Variants in HAUS6 observed in about 807,000 individuals in gnomAD.
HAUS6 encodes the protein HAUS augmin like complex subunit 6, also known as HAUS augmin-like complex subunit 6.
In HAUS6, 80 loss-of-function variants were observed where a neutral mutation model predicts 106.8. That is an observed-to-expected ratio of 0.75 (90% CI 0.63 to 0.90). The LOEUF (loss-of-function observed/expected upper bound fraction) is 0.90. HAUS6 is among the 40% of genes least tolerant of loss of function. The probability of loss-of-function intolerance (pLI) is 0.00; values close to 1 mark genes in which losing one functional copy is unlikely to be tolerated. For synonymous variants in HAUS6, 356 were observed against 379.1 expected (o/e 0.94, Z 0.71); for missense variants, 1,155 against 1,118.1 (o/e 1.03, Z -0.47).
At chr9:19,090,035 G>C (rs1311249935) in intron 4 of HAUS6, among the ~76,000 whole-genome samples, 3 of 151,920 alleles carry the variant, frequency 2.0e-5, no homozygotes, top group African/African-American at 7.3e-5. Context: ...GACTGGGTCT[G>C]AAGGTGTTGC....
Position 19,056,501 on chromosome 9 carries a change from T to C in HAUS6, c.2807-97A>G, listed in dbSNP as rs62563589. ...CAAATTTTAGTCAATACAAAAAAGG[T>C]TCATAGCTTTGCAAATACTTGATTA... On this transcript the variant is annotated intron_variant, in intron 16 of 16. Coordinates refer to ENST00000380502, the MANE Select transcript of HAUS6 (RefSeq NM_017645.5). The C allele has an allele frequency of 2.3e-3, 1,608 of 701,144 alleles. 10 individuals are homozygous for C. Among genetic ancestry groups the C allele is most frequent in the Middle Eastern group, 8.1e-3 (33 of 4,066 alleles). The allele number at this position is 701,144 out of a possible 1,614,324, so 43.4% of individuals were successfully genotyped here.
intron 1 of HAUS6, among the ~76,000 whole-genome samples, chr9:19,099,004 C>G (rs1370103106): frequency 1.1e-5 from 1 of 91,306 alleles, no homozygotes; most frequent in South Asian, 3.7e-4. Context: ...GCAACAAGAG[C>G]AAAACTCCAT....
At position 19,058,881 on chromosome 9, in the gene HAUS6, T is replaced by C; in HGVS notation, c.1886A>G (p.His629Arg). Residue 629 changes from histidine to arginine, a missense_variant, in exon 16 of 17, where the codon CAC (histidine) becomes CGC (arginine). By Grantham distance (29) the His-to-Arg change is conservative (BLOSUM62 0). Around this residue, in one of 3 missense-constraint regions of HAUS6, gnomAD observed 380 missense variants for 394.8 expected, o/e 0.96. Transcript: ENST00000380502. ...AGCCATGCTAAATTCTCTTTGATTGTGCAACACAGGTAATGATTCTGGCAA... is the reference window on the plus strand; with the variant it reads ...AGCCATGCTAAATTCTCTTTGATTGCGCAACACAGGTAATGATTCTGGCAA... ...EVLPESLPVL[H>R]NQREFSMADF... 8.7e-6 allele frequency: 14 copies of C among 1,610,812 alleles called. No individual in the cohort carries two copies. Among genetic ancestry groups the C allele is most frequent in the Non-Finnish European group, 1.2e-5 (14 of 1,176,888 alleles).
rs763537717 is a variant in HAUS6, at chr9:19,058,490, T to C, written c.2277A>G (p.Ile759Met). Reference sequence around the variant, plus strand: ...AACTCTTAGAACTAATTCCACTTGATATCTGAAAAGAATTCCACAACATAG... The same window carrying C: ...AACTCTTAGAACTAATTCCACTTGACATCTGAAAAGAATTCCACAACATAG... ...NKTMLWNSFQ[I>M]SSGISSKSFK... The change falls in exon 16 of 17, where the codon ATA becomes ATG. Residue 759 changes from isoleucine (I) to methionine (M), a missense_variant. Physicochemically the swap from Ile to Met is conservative, Grantham distance 10. Around this residue, in one of 3 missense-constraint regions of HAUS6, gnomAD observed 380 missense variants for 394.8 expected, o/e 0.96. Transcript: ENST00000380502. 3 of 1,582,850 alleles carry C rather than the reference T, an allele frequency of 1.9e-6. No homozygotes were observed. Among genetic ancestry groups the C allele is most frequent in the Admixed American group, 1.7e-5 (1 of 57,256 alleles).
In HAUS6 at chr9:19,058,682, T is replaced by C. The variant is rs1452764315; in HGVS notation, c.2085A>G (p.Gln695=). Residue 695 remains glutamine, a synonymous_variant, in exon 16 of 17, where the codon CAA becomes CAG. Coordinates refer to ENST00000380502, the MANE Select transcript of HAUS6 (RefSeq NM_017645.5). ...TGGTGAAGGCTAAACATTCCAAATCTTGCTTGCAAATTACTTTCTTATTTA... is the reference window on the plus strand; with the variant it reads ...TGGTGAAGGCTAAACATTCCAAATCCTGCTTGCAAATTACTTTCTTATTTA... The part of the protein sequence containing the change: ...DLLNKKVICK[Q]DLECLAFTKL... 7 of 1,612,818 alleles carry C rather than the reference T, an allele frequency of 4.3e-6. No individual in the cohort carries two copies. The highest frequency in any genetic ancestry group is 5.9e-6 in the Non-Finnish European group (7 of 1,178,854).
chr9:19,079,964 C>T (rs1378527134), intron 9 of HAUS6, among the ~76,000 whole-genome samples: 3 of 150,720 alleles, frequency 2.0e-5, no homozygotes, highest in Admixed American at 6.6e-5. Flanking sequence ...CATCTGAGGT[C>T]GGGAGTTCGA....
chr9:19,060,157 G>C lies in HAUS6; in HGVS notation c.1696C>G (p.Leu566Val). The C allele has an allele frequency of 1.2e-6, 2 of 1,600,470 alleles. No individual in the cohort carries two copies. The highest frequency in any genetic ancestry group is 1.7e-6 in the Non-Finnish European group (2 of 1,171,340). ...SEGKEIKLEE[L>V]IDSLGSNPFL... ...GGGTTAGAACCCAGAGAGTCAATTAGTTCCTCTAATTTTATTTCTTTTCCT... is the reference window on the plus strand; with the variant it reads ...GGGTTAGAACCCAGAGAGTCAATTACTTCCTCTAATTTTATTTCTTTTCCT... Residue 566 changes from leucine to valine, a missense_variant, in exon 15 of 17, where the codon CTA (leucine) becomes GTA (valine). Leu to Val is a conservative substitution (Grantham distance 32, BLOSUM62 1). Transcript: ENST00000380502.
chr9:19,073,437 C>T (rs1365339049), intron 11 of HAUS6, among the ~76,000 whole-genome samples: 1 of 149,938 alleles, frequency 6.7e-6, no homozygotes, highest in African/African-American at 2.5e-5. Context: ...AAAAAAAGGA[C>T]TCCCAAGAGT....
At chr9:19,094,520 G>C (rs529773894) in intron 2 of HAUS6, 125 bp from the exon 3 acceptor site, 2 of 613,450 alleles carry the variant, frequency 3.3e-6, no homozygotes, top group African/African-American at 1.9e-5. Flanking sequence ...GGCCAAGCGC[G>C]GTGGCTCACA....
intron 6 of HAUS6, 143 bp downstream of exon 6, chr9:19,086,948 T>A (rs1322734569): frequency 1.6e-6 from 1 of 625,666 alleles, no homozygotes; most frequent in East Asian, 2.8e-5. Context: ...GGATTAGCAG[T>A]CATAACTATG....
At chr9:19,066,466 T>C (rs1836761689) in intron 12 of HAUS6, among the ~76,000 whole-genome samples, 1 of 152,150 alleles carries the variant, frequency 6.6e-6, no homozygotes, top group South Asian at 2.1e-4. Context: ...CTGGCACGTA[T>C]GCAAGATCAT....
At chr9:19,097,191 C>T (rs193023677) in intron 1 of HAUS6, among the ~76,000 whole-genome samples, 5 of 152,236 alleles carry the variant, frequency 3.3e-5, no homozygotes, top group African/African-American at 4.8e-5. Context: ...TAGGCATGGG[C>T]AAGGACTGCA....
At chr9:19,057,288 T>C (rs1259573750) in intron 16 of HAUS6, 1 of 152,296 alleles carries the variant, frequency 6.6e-6, no homozygotes, top group African/African-American at 2.4e-5. Context: ...TATAAGACAA[T>C]ACACACACAA....
chr9:19,088,751 G>A lies in HAUS6; in HGVS notation c.584+661C>T, dbSNP rs147199446. Among the ~76,000 whole-genome samples, 619 of 151,188 alleles carry A rather than the reference G, an allele frequency of 4.1e-3. 3 individuals carry two copies. Among genetic ancestry groups the A allele is most frequent in the African/African-American group, 0.014 (594 of 41,210 alleles). ...AAATGAGCCAGGCGTGGTGGCAGGC[G>A]CCTGTAATCTCAGCTACTCAGGAGC... On this transcript the variant is annotated intron_variant, in intron 5 of 16. Transcript: ENST00000380502.
chr9:19,064,488 T>C (rs1398522539), intron 12 of HAUS6, among the ~76,000 whole-genome samples: 1 of 152,186 alleles, frequency 6.6e-6, no homozygotes, highest in Non-Finnish European at 1.5e-5. Flanking sequence ...AATTATAAAA[T>C]GTTATTAAAT....
chr9:19,070,142 C>A (rs936121355), intron 12 of HAUS6, 77 bp downstream of exon 12: 2 of 822,826 alleles, frequency 2.4e-6, no homozygotes, highest in African/African-American at 1.7e-5. Flanking sequence ...GCTGGCTTCA[C>A]CTCTCAGTTC....
chr9:19,071,929 C>T (rs1836889035), intron 11 of HAUS6, among the ~76,000 whole-genome samples: 1 of 152,240 alleles, frequency 6.6e-6, no homozygotes, highest in Admixed American at 6.5e-5. Context: ...ATGGGCCGAG[C>T]CCAGTGGCTC....
intron 1 of HAUS6, among the ~76,000 whole-genome samples, chr9:19,096,985 G>A (rs1402196389): frequency 1.3e-5 from 2 of 152,030 alleles, no homozygotes; most frequent in Non-Finnish European, 2.9e-5. Context: ...TTCAATATAA[G>A]ACTGGCAGAA....
chr9:19,071,226 G>T (rs1588606274), intron 11 of HAUS6, among the ~76,000 whole-genome samples: 1 of 152,102 alleles, frequency 6.6e-6, no homozygotes, highest in East Asian at 1.9e-4. Flanking sequence ...AGGTCAAAAA[G>T]CAGATTAAAC....
Sources: gnomAD v4.1 joint callset for allele counts (sites outside exome capture counted in the v4.1 genomes callset) on GRCh38, gnomAD v4.1.1 for gene constraint, gnomAD v4.1.1 regional missense constraint, MANE v1.5 for transcripts, NCBI Gene and HGNC (gene_info 2026-07-23, HGNC 2026-07-21) for gene names.